The following ZNF91 variants were observed in gnomAD, a reference collection of about 807,000 sequenced individuals.
ZNF91 encodes the protein zinc finger protein 91 (HPF7, HTF10).
A neutral mutation model predicts 12.6 loss-of-function variants in ZNF91; 7 were observed. The ratio of observed to expected loss-of-function variants is 0.55; its 90% CI spans 0.31 to 1.04. The LOEUF is 1.04. Ranked by LOEUF, ZNF91 falls within the 50% of genes least tolerant of loss-of-function variation. The probability of loss-of-function intolerance (pLI) is 0.05; values close to 1 mark genes in which losing one functional copy is unlikely to be tolerated. For synonymous variants in ZNF91, 453 were observed against 462.6 expected, an observed-to-expected ratio of 0.98 and a Z score of 0.27; for missense variants, 1,217 against 1,385.4, an observed-to-expected ratio of 0.88 and a Z score of 1.93.
chr19:23,323,687 TCTCCTTCTTTATCCTCTC>T (rs1401569454), intron 1 of ZNF91, among the ~76,000 whole-genome samples: 1 of 131,090 alleles, frequency 7.6e-6, no homozygotes, highest in Non-Finnish European at 1.6e-5. Flanking sequence ...CTCCTCTACT[TCTCCTTCTTTATCCTCTC>T]CTCCTTCTTT....
chr19:23,356,451 G>A (rs1454439055), downstream of ZNF91, among the ~76,000 whole-genome samples: 1 of 152,124 alleles, frequency 6.6e-6, no homozygotes, highest in Non-Finnish European at 1.5e-5. Context: ...CATTTGCAAT[G>A]TCCTGGATGA....
At chr19:23,307,546 C>A (rs1479262895) in intron 2 of ZNF91, 1 of 152,238 alleles carries the variant, frequency 6.6e-6, no homozygotes, top group East Asian at 1.9e-4. Flanking sequence ...GGGGACCTGT[C>A]CACAGTGAAG....
intron 1 of ZNF91, among the ~76,000 whole-genome samples, chr19:23,381,058 T>C (rs999868146): frequency 1.3e-5 from 2 of 152,188 alleles, no homozygotes; most frequent in African/African-American, 4.8e-5. Context: ...ACTATCCCTA[T>C]TGGTTAAATT....
At chr19:23,308,156 A>G (rs529623107) in intron 2 of ZNF91, 43 of 152,160 alleles carry the variant, frequency 2.8e-4, no homozygotes, top group African/African-American at 1.0e-3. Flanking sequence ...GTATTGTGAC[A>G]TATCATTGGG....
Position 23,362,452 on chromosome 19 carries a change from T to A in ZNF91, c.527A>T (p.His176Leu), listed in dbSNP as rs761670233. 1.7e-5 allele frequency: 28 copies of A among 1,612,142 alleles called. No homozygotes were observed. The highest frequency in any genetic ancestry group is 2.1e-5 in the Non-Finnish European group (25 of 1,179,478). Residue 176 changes from histidine (H) to leucine (L), a missense_variant, in exon 4 of 4, where the codon CAT becomes CTT. By Grantham distance (99) the His-to-Leu change is moderately conservative. This residue lies in a region of ZNF91 where 726 missense variants were observed against 895.5 expected (regional missense o/e 0.81). Coordinates refer to ENST00000300619, the MANE Select transcript of ZNF91 (RefSeq NM_003430.4). ...FLNSNRHTIRHTGKKCFKCKK... is the reference protein window; with the variant it reads ...FLNSNRHTIRLTGKKCFKCKK... ...ACATTTGAAGCATTTCTTTCCAGTA[T>A]GTCTTATCGTATGTCTGTTTGAATT...
intron 1 of ZNF91, among the ~76,000 whole-genome samples, chr19:23,392,036 A>G (rs949063792): frequency 2.0e-5 from 3 of 152,226 alleles, no homozygotes; most frequent in African/African-American, 4.8e-5. Flanking sequence ...TAAGAAAAGC[A>G]AAAGTATTTA....
intron 3 of ZNF91, among the ~76,000 whole-genome samples, chr19:23,348,692 G>C (rs1249099978): frequency 6.6e-6 from 1 of 152,144 alleles, no homozygotes; most frequent in Non-Finnish European, 1.5e-5. Context: ...CAGAATAAGC[G>C]ATTTTCAGGG....
intron 1 of ZNF91, chr19:23,325,163 G>A (rs1043715657): frequency 6.6e-6 from 1 of 151,612 alleles, no homozygotes; most frequent in Non-Finnish European, 1.5e-5. Flanking sequence ...AAGGGAGAAG[G>A]CAGGATGATG....
intron 1 of ZNF91, among the ~76,000 whole-genome samples, chr19:23,331,409 T>G (rs1019128762): frequency 2.6e-5 from 4 of 152,210 alleles, no homozygotes; most frequent in African/African-American, 9.7e-5. Flanking sequence ...GTCTTAGGGT[T>G]GTCTGTAATA....
intron 3 of ZNF91, among the ~76,000 whole-genome samples, chr19:23,348,009 T>C (rs1968273081): frequency 6.6e-6 from 1 of 152,192 alleles, no homozygotes; most frequent in Admixed American, 6.5e-5. Flanking sequence ...CCAACATCCA[T>C]CCAGTCCAAT....
At chr19:23,377,954 T>TTC (rs35876084) in intron 1 of ZNF91, among the ~76,000 whole-genome samples, 44,284 of 151,958 alleles carry the variant, frequency 0.29, 6,775 homozygotes, top group African/African-American at 0.38. Context: ...TCTTCTGTTT[T>TTC]TGTCACTCAT....
rs1383121709 is a variant in ZNF91 at position 23,358,487 on chromosome 19, A to G, written c.*916T>C. On this transcript the variant is annotated 3_prime_UTR_variant, in exon 4 of 4. Transcript: ENST00000300619. ...TTCATATTTGTAATGCTTTTTCAAA[A>G]TACTCTTCTGTACTTTAAAGACATA... 6.6e-6 allele frequency: 1 copy of G among 152,172 alleles called. No homozygotes were observed. The highest frequency in any genetic ancestry group is 1.5e-5 in the Non-Finnish European group (1 of 68,036). The allele number at this position is 152,172 out of a possible 1,614,324, so 9.4% of individuals were successfully genotyped here.
chr19:23,381,655 A>C (rs1024476609), intron 1 of ZNF91, among the ~76,000 whole-genome samples: 4 of 151,778 alleles, frequency 2.6e-5, no homozygotes, highest in Admixed American at 1.3e-4. Context: ...AGACAAGATT[A>C]CTCCATGTTG....
chr19:23,381,487 G>C (rs1393595015), intron 1 of ZNF91, among the ~76,000 whole-genome samples: 1 of 140,112 alleles, frequency 7.1e-6, no homozygotes, highest in Non-Finnish European at 1.5e-5. Flanking sequence ...TTGAGACTGA[G>C]TTTTGCTCTC....
Position 23,384,278 on chromosome 19 carries a change from C to T in ZNF91, c.31-9514G>A, listed in dbSNP as rs866970043. ...TATAATTTCAGGATACAGCCCTCCG[C>T]GCCCAACCAATCCCGGGCTGCAAGG... On this transcript the variant is annotated intron_variant, in intron 1 of 3. Transcript: ENST00000300619. Among the ~76,000 whole-genome samples, 10 of 152,072 alleles carry T rather than the reference C, an allele frequency of 6.6e-5. No individual in the cohort carries two copies. The South Asian group carries it at 8.3e-4, about 13-fold the overall frequency.
At chr19:23,388,870 T>C (rs1969967221) in intron 1 of ZNF91, among the ~76,000 whole-genome samples, 2 of 151,930 alleles carry the variant, frequency 1.3e-5, no homozygotes, top group South Asian at 4.1e-4. Context: ...TGAAACCATC[T>C]TTTAAAAAAA....
chr19:23,334,614 C>A (rs1449567947), downstream of ZNF91, among the ~76,000 whole-genome samples: 1 of 152,170 alleles, frequency 6.6e-6, no homozygotes, highest in Non-Finnish European at 1.5e-5. Flanking sequence ...AATGTTTAAA[C>A]TTCCCTAATT....
intron 1 of ZNF91, among the ~76,000 whole-genome samples, chr19:23,375,716 TA>T (rs923475425): frequency 1.6e-4 from 23 of 144,610 alleles, no homozygotes; most frequent in Admixed American, 4.8e-4. Flanking sequence ...AAAGAAAACC[TA>T]AAAAAAAAAG....
At chr19:23,307,232 T>G (rs1967410368) in intron 3 of ZNF91, 1 of 152,206 alleles carries the variant, frequency 6.6e-6, no homozygotes, top group African/African-American at 2.4e-5. Flanking sequence ...GTGATGTGAG[T>G]CCCCTGCCTG....
Sources: allele counts gnomAD v4.1 joint callset (sites outside exome capture counted in the v4.1 genomes callset), GRCh38; gene constraint gnomAD v4.1.1; regional missense constraint gnomAD v4.1.1; transcripts MANE v1.5; gene names NCBI Gene and HGNC (gene_info 2026-07-23, HGNC 2026-07-21).